Variants in ANKFY1 observed in about 807,000 individuals in gnomAD.
ANKFY1 encodes ankyrin repeat and FYVE domain-containing protein 1.
Under a neutral mutation model 128.3 loss-of-function variants are expected in ANKFY1, and 47 were observed. That is an observed-to-expected ratio of 0.37 (90% CI 0.29 to 0.47). The LOEUF is 0.47. Among genes scored for constraint, ANKFY1 ranks in the 20% least tolerant of loss-of-function variants. The pLI is 1.00. For missense variants in ANKFY1, 1,222 were observed against 1,510.6 expected (o/e 0.81, Z 3.17); for synonymous variants, 553 against 601.6 (o/e 0.92, Z 1.18).
chr17:4,192,467 C>A (rs1220455846), intron 10 of ANKFY1, among the ~76,000 whole-genome samples: 1 of 151,088 alleles, frequency 6.6e-6, no homozygotes, highest in Non-Finnish European at 1.5e-5. Flanking sequence ...TCTGGAGACT[C>A]CTAGTTGATG....
At chr17:4,205,659 A>G (rs1477276877) in intron 7 of ANKFY1, among the ~76,000 whole-genome samples, 2 of 151,622 alleles carry the variant, frequency 1.3e-5, no homozygotes, top group African/African-American at 2.4e-5. Flanking sequence ...GGAGAATGGC[A>G]TGAACCCAGG....
chr17:4,172,531 G>C (rs1230761419), intron 22 of ANKFY1, 25 bp downstream of exon 22: 3 of 1,608,218 alleles, frequency 1.9e-6, no homozygotes, highest in Non-Finnish European at 1.7e-6. Flanking sequence ...AGTGAGACGG[G>C]ACATACCCAG....
intron 3 of ANKFY1, among the ~76,000 whole-genome samples, chr17:4,229,991 C>T (rs1352755135): frequency 6.6e-6 from 1 of 152,124 alleles, no homozygotes; most frequent in East Asian, 1.9e-4. Flanking sequence ...TTTTTTACTC[C>T]TTTTTGTGAG....
At position 4,184,882 on chromosome 17, in the gene ANKFY1, C is replaced by G. The variant is rs763321468; in HGVS notation, c.1635G>C (p.Thr545=). 7 of 1,613,914 alleles carry G rather than the reference C, an allele frequency of 4.3e-6. No homozygotes were observed. In the South Asian group the frequency reaches 7.7e-5, roughly 18 times the overall value. The change falls in exon 12 of 25, where the codon ACG becomes ACC. Residue 545 remains threonine (T), a synonymous_variant. Coordinates refer to ENST00000341657, the MANE Select transcript of ANKFY1 (RefSeq NM_001330063.2). ...TATAGGCGATCGCCATGTGCAGTGG[C>G]GTCTGCAGATGGACGCTGTCCGCCA... The part of the protein sequence containing the change: ...TSLADSVHLQ[T]PLHMAIAYNH...
intron 19 of ANKFY1, 50 bp downstream of exon 19, chr17:4,177,075 CA>C: frequency 6.8e-7 from 1 of 1,474,978 alleles, no homozygotes; most frequent in Non-Finnish European, 9.1e-7. Context: ...ACAAGCTCTA[CA>C]ATATGCTTTG....
At chr17:4,203,711 A>T (rs1283093700) in intron 7 of ANKFY1, among the ~76,000 whole-genome samples, 1 of 151,292 alleles carries the variant, frequency 6.6e-6, no homozygotes, top group Non-Finnish European at 1.5e-5. Flanking sequence ...GCTACTCAGG[A>T]GGCTGAGGCA....
In ANKFY1 at chr17:4,242,327, C is replaced by G; in HGVS notation, c.132G>C (p.Glu44Asp). The G allele has an allele frequency of 6.2e-7, 1 of 1,601,254 alleles. No individual in the cohort carries two copies. Among genetic ancestry groups the G allele is most frequent in the Non-Finnish European group, 8.5e-7 (1 of 1,175,500 alleles). ...GGCTGATGAAGGACTCGCTGCTGCT[C>G]TCCTTGTTTGCCTGCGCAGCCAAGA... Reference protein sequence around the residue: ...CALLAAQANKESSSESFISRL... With the variant: ...CALLAAQANKDSSSESFISRL... The change falls in exon 2 of 25, where the codon GAG becomes GAC. Residue 44 changes from glutamate (E) to aspartate (D), a missense_variant. By Grantham distance (45) the Glu-to-Asp change is conservative (BLOSUM62 2). Coordinates refer to ENST00000341657, the MANE Select transcript of ANKFY1 (RefSeq NM_001330063.2).
Position 4,251,903 on chromosome 17 carries a change from G to A in ANKFY1, c.11-9455C>T, listed in dbSNP as rs184694157. Among the ~76,000 whole-genome samples, 43 of 152,074 alleles carry A rather than the reference G, an allele frequency of 2.8e-4. No homozygotes were observed. In the East Asian group the frequency reaches 4.3e-3, roughly 15 times the overall value. ...ACAAAAATTAGCTGGGTGCAGTGGCGTGCGCCTGTAGTCCCAGCTACTAGG... is the reference window on the plus strand; with the variant it reads ...ACAAAAATTAGCTGGGTGCAGTGGCATGCGCCTGTAGTCCCAGCTACTAGG... On this transcript the variant is annotated intron_variant, in intron 1 of 24. Coordinates refer to ENST00000341657, the MANE Select transcript of ANKFY1 (RefSeq NM_001330063.2).
chr17:4,200,840 C>T (rs1439639475), intron 7 of ANKFY1, among the ~76,000 whole-genome samples: 2 of 152,158 alleles, frequency 1.3e-5, no homozygotes, highest in African/African-American at 4.8e-5. Context: ...CAAAGTTTTC[C>T]TTTCATATCT....
At chr17:4,225,048 T>A (rs2060401253) in intron 3 of ANKFY1, among the ~76,000 whole-genome samples, 1 of 137,186 alleles carries the variant, frequency 7.3e-6, no homozygotes, top group African/African-American at 2.6e-5. Context: ...AGGATTTGTT[T>A]TATATTTAAA....
At chr17:4,255,817 C>CTT (rs111967049) in intron 1 of ANKFY1, among the ~76,000 whole-genome samples, 2,822 of 144,824 alleles carry the variant, frequency 0.019, 95 homozygotes, top group African/African-American at 0.067. Flanking sequence ...TACTACTTTT[C>CTT]TTTTTTTTTT....
chr17:4,262,701 C>G (rs1968487514), intron 1 of ANKFY1, among the ~76,000 whole-genome samples: 2 of 152,002 alleles, frequency 1.3e-5, no homozygotes, highest in South Asian at 2.1e-4. Context: ...GAGCCGTGAC[C>G]GCGCCACTGT....
At chr17:4,173,268 C>A in intron 21 of ANKFY1, 86 bp downstream of exon 21, 7 of 1,352,698 alleles carry the variant, frequency 5.2e-6, no homozygotes, top group Non-Finnish European at 7.4e-6. Context: ...CAGCTCCTCC[C>A]TGGGGCTGAT....
In ANKFY1 at chr17:4,242,242, A is replaced by G. The variant is rs761241285; in HGVS notation, c.203+14T>C. On this transcript the variant is annotated intron_variant, in intron 2 of 24. Coordinates refer to ENST00000341657, the MANE Select transcript of ANKFY1 (RefSeq NM_001330063.2). ...TAAAGCCAAAGGGCCTTCTGTGTCT[A>G]GGAGCTCTCCCACCTGTACTGCTCC... 6.6e-7 allele frequency: 1 copy of G among 1,511,390 alleles called. No individual in the cohort carries two copies. Among genetic ancestry groups the G allele is most frequent in the Admixed American group, 2.5e-5 (1 of 39,290 alleles). 93.6% of individuals were successfully genotyped at this position (1,511,390 alleles called of 1,614,324 possible).
At chr17:4,190,753 C>A (rs1293374474) in intron 10 of ANKFY1, among the ~76,000 whole-genome samples, 1 of 152,034 alleles carries the variant, frequency 6.6e-6, no homozygotes, top group East Asian at 1.9e-4. Flanking sequence ...TTTTAAAATC[C>A]ATTTCCAAAA....
chr17:4,257,269 G>A (rs1156752106), intron 1 of ANKFY1, among the ~76,000 whole-genome samples: 2 of 152,100 alleles, frequency 1.3e-5, no homozygotes, highest in East Asian at 3.9e-4. Flanking sequence ...ACCATCAACT[G>A]CTACAGCTTG....
At chr17:4,172,890 C>T (rs760567595) in intron 21 of ANKFY1, among the ~76,000 whole-genome samples, 2 of 152,224 alleles carry the variant, frequency 1.3e-5, no homozygotes, top group Admixed American at 6.5e-5. Flanking sequence ...GACGGAGTCT[C>T]GCTCTGTCAC....
chr17:4,205,753 AAG>A (rs2143015031), intron 7 of ANKFY1, among the ~76,000 whole-genome samples: 1 of 151,932 alleles, frequency 6.6e-6, no homozygotes, highest in Admixed American at 6.6e-5. Flanking sequence ...AAAAAAAAAA[AAG>A]ATTTAAATGT....
intron 22 of ANKFY1, among the ~76,000 whole-genome samples, chr17:4,171,257 C>T (rs1395083860): frequency 6.6e-6 from 1 of 152,128 alleles, no homozygotes; most frequent in Non-Finnish European, 1.5e-5. Flanking sequence ...CTCTTTTCAC[C>T]CAATGTAACT....
Sources: gnomAD v4.1 joint callset for allele counts (sites outside exome capture counted in the v4.1 genomes callset) on GRCh38, gnomAD v4.1.1 for gene constraint, MANE v1.5 for transcripts, NCBI Gene and HGNC (gene_info 2026-07-23, HGNC 2026-07-21) for gene names.